The following CPED1 variants were observed in gnomAD, a reference collection of about 807,000 sequenced individuals.
CPED1 encodes cadherin like and PC-esterase domain containing 1, also known as cadherin-like and PC-esterase domain-containing protein 1.
A neutral mutation model predicts 128.2 loss-of-function variants in CPED1; 114 were observed. The ratio of observed to expected loss-of-function variants is 0.89; its 90% CI spans 0.76 to 1.04. The LOEUF (loss-of-function observed/expected upper bound fraction) is 1.04, where lower values mean the gene tolerates loss of function less well. Ranked by LOEUF, CPED1 falls within the 50% of genes least tolerant of loss-of-function variation. The probability of loss-of-function intolerance (pLI) is 0.00; values close to 1 mark genes in which losing one functional copy is unlikely to be tolerated. For synonymous variants in CPED1, 462 were observed against 426.7 expected (o/e 1.08, Z -1.02); for missense variants, 1,211 against 1,207.1 (o/e 1.00, Z -0.05).
intron 22 of CPED1, among the ~76,000 whole-genome samples, chr7:121,289,688 A>G (rs2116787561): frequency 6.6e-6 from 1 of 152,306 alleles, no homozygotes; most frequent in South Asian, 2.1e-4. Context: ...AAAATTATGT[A>G]AGCTAGAATT....
intron 3 of CPED1, among the ~76,000 whole-genome samples, chr7:121,017,916 C>T (rs927069096): frequency 4.6e-5 from 7 of 152,132 alleles, no homozygotes; most frequent in African/African-American, 1.2e-4. Context: ...AGTGTAAATG[C>T]TGATTTGGTT....
At chr7:121,136,550 AT>A (rs1195724046) in intron 14 of CPED1, among the ~76,000 whole-genome samples, 3 of 152,124 alleles carry the variant, frequency 2.0e-5, no homozygotes, top group Non-Finnish European at 4.4e-5. Flanking sequence ...CCAAGACATA[AT>A]ACGAGAAACG....
intron 3 of CPED1, among the ~76,000 whole-genome samples, chr7:121,016,088 A>G (rs1445714459): frequency 6.6e-6 from 1 of 151,900 alleles, no homozygotes; most frequent in East Asian, 1.9e-4. Flanking sequence ...TTGGAGTTGT[A>G]TAGTTCATGT....
At chr7:121,105,311 C>T (rs1352345571) in intron 7 of CPED1, among the ~76,000 whole-genome samples, 1 of 152,024 alleles carries the variant, frequency 6.6e-6, no homozygotes, top group Non-Finnish European at 1.5e-5. Flanking sequence ...GGTGAGATTG[C>T]TTATATATTC....
chr7:121,138,302 G>GCCTGCTA (rs1795826456), intron 14 of CPED1, among the ~76,000 whole-genome samples: 1 of 152,022 alleles, frequency 6.6e-6, no homozygotes, highest in South Asian at 2.1e-4. Context: ...AGGTTAAGCA[G>GCCTGCTA]CCTGCTACCA....
At chr7:121,123,653 GTTT>G (rs1001139533) in intron 7 of CPED1, among the ~76,000 whole-genome samples, 12 of 152,178 alleles carry the variant, frequency 7.9e-5, no homozygotes, top group Admixed American at 6.5e-4. Flanking sequence ...TAACAATTGT[GTTT>G]TTAAGATGAC....
chr7:121,042,860 TC>T (rs984816807), intron 3 of CPED1, among the ~76,000 whole-genome samples: 1 of 152,194 alleles, frequency 6.6e-6, no homozygotes, highest in African/African-American at 2.4e-5. Context: ...GGCCCCCAAA[TC>T]CTAATGCAGT....
At position 120,998,935 on chromosome 7, in the gene CPED1, A is replaced by G. The variant is rs532098428; in HGVS notation, c.249+9065A>G. 2.6e-5 allele frequency among the ~76,000 whole-genome samples: 4 copies of G among 152,192 alleles called. No homozygotes were observed. The East Asian group carries it at 5.8e-4, about 22-fold the overall frequency. ...ATTAAGATTTTGGACCCTGAGTAAC[A>G]TATCTATTCATTGGTTTATTGTCTT... is the stretch of plus-strand genomic sequence containing the variant. On this transcript the variant is annotated intron_variant, in intron 2 of 22. Transcript: ENST00000310396.
chr7:120,993,331 C>G (rs1796340073), intron 2 of CPED1, among the ~76,000 whole-genome samples: 1 of 152,168 alleles, frequency 6.6e-6, no homozygotes, highest in Non-Finnish European at 1.5e-5. Flanking sequence ...TTGGGGAATA[C>G]ATTTATACTC....
chr7:121,254,472 C>G (rs1247611990), intron 18 of CPED1, among the ~76,000 whole-genome samples: 1 of 151,758 alleles, frequency 6.6e-6, no homozygotes, highest in Non-Finnish European at 1.5e-5. Flanking sequence ...GGTCTCAAAT[C>G]AACAATATAA....
intron 18 of CPED1, among the ~76,000 whole-genome samples, chr7:121,259,960 A>G (rs12706334): frequency 0.29 from 44,595 of 151,798 alleles, 6,961 homozygotes; most frequent in Middle Eastern, 0.43. Flanking sequence ...TGGCTAATTT[A>G]AAATAATATG....
chr7:121,252,351 C>T (rs1584633091), intron 18 of CPED1, among the ~76,000 whole-genome samples: 1 of 152,040 alleles, frequency 6.6e-6, no homozygotes, highest in East Asian at 1.9e-4. Flanking sequence ...GACCTAAAAC[C>T]ACAGAAGAAA....
At chr7:121,126,680 T>A (rs1046171148) in intron 9 of CPED1, among the ~76,000 whole-genome samples, 5 of 152,124 alleles carry the variant, frequency 3.3e-5, no homozygotes, top group African/African-American at 1.2e-4. Flanking sequence ...GATTTCTCCA[T>A]AAAAATTTAA....
Position 121,097,709 on chromosome 7 carries a change from T to G in CPED1, c.627T>G (p.Leu209=), listed in dbSNP as rs534021229. 6.2e-7 allele frequency: 1 copy of G among 1,613,568 alleles called. No individual in the cohort carries two copies. Among genetic ancestry groups the G allele is most frequent in the Admixed American group, 1.7e-5 (1 of 59,934 alleles). The change falls in exon 6 of 23, where the codon CTT becomes CTG. Residue 209 remains leucine (L), a synonymous_variant. Transcript: ENST00000310396. Reference sequence around the variant, plus strand: ...CTTGAATCTTTTCAGAACTGCAACTTCCAGTGAGTCCCTCTGTGTGTCTGG... The same window carrying G: ...CTTGAATCTTTTCAGAACTGCAACTGCCAGTGAGTCCCTCTGTGTGTCTGG... ...QIVRRFPELQ[L]PVSPSVCLDQ...
intron 4 of CPED1, among the ~76,000 whole-genome samples, chr7:121,060,694 T>A (rs987674006): frequency 2.0e-5 from 3 of 152,216 alleles, no homozygotes; most frequent in Non-Finnish European, 4.4e-5. Flanking sequence ...AACAGACTAC[T>A]GGGCTCTACC....
At chr7:121,293,187 G>C (rs1055152058) in intron 22 of CPED1, among the ~76,000 whole-genome samples, 1 of 152,146 alleles carries the variant, frequency 6.6e-6, no homozygotes, top group African/African-American at 2.4e-5. Flanking sequence ...CCCTGACTAG[G>C]GCTGCTGCCT....
At position 121,295,759 on chromosome 7, in the gene CPED1, A is replaced by T. The variant is rs116900233; in HGVS notation, c.*107A>T. On this transcript the variant is annotated 3_prime_UTR_variant, in exon 23 of 23. Coordinates refer to ENST00000310396, the MANE Select transcript of CPED1 (RefSeq NM_024913.5). ...CGCACACATTTGGGATCGACCACAC[A>T]CACTTGTGCACACCAGCACATGCAT... 7.0e-5 allele frequency: 55 copies of T among 786,140 alleles called. No homozygotes were observed. The East Asian group carries it at 1.3e-3, about 19-fold the overall frequency. The allele number at this position is 786,140 out of a possible 1,614,324, so 48.7% of individuals were successfully genotyped here.
chr7:121,115,907 G>A (rs1004202103), intron 7 of CPED1, among the ~76,000 whole-genome samples: 4 of 152,156 alleles, frequency 2.6e-5, no homozygotes, highest in African/African-American at 9.7e-5. Context: ...TTTAGCTTTT[G>A]CTCTTTGCTG....
intron 16 of CPED1, among the ~76,000 whole-genome samples, chr7:121,172,330 G>A (rs1796664746): frequency 6.6e-6 from 1 of 151,482 alleles, no homozygotes; most frequent in Non-Finnish European, 1.5e-5. Flanking sequence ...AAATCCAAGA[G>A]TATTTTTCTA....
Sources: gnomAD v4.1 joint callset for allele counts (sites outside exome capture counted in the v4.1 genomes callset) on GRCh38, gnomAD v4.1.1 for gene constraint, MANE v1.5 for transcripts, NCBI Gene and HGNC (gene_info 2026-07-23, HGNC 2026-07-21) for gene names.